Variants in LYRM4 observed in about 807,000 individuals in gnomAD.
The protein encoded by LYRM4 is LYR motif containing 4.
LYRM4 carries 9 observed loss-of-function variants against 11.7 expected under a neutral mutation model. The ratio of observed to expected loss-of-function variants is 0.77; its 90% confidence interval spans 0.46 to 1.34. LYRM4 has a LOEUF of 1.34. Ranked by LOEUF, LYRM4 falls within the 40% of genes most tolerant of loss-of-function variation. LYRM4 has a pLI of 0.00. For synonymous variants in LYRM4, 42 were observed against 40.4 expected, an observed-to-expected ratio of 1.04 and a Z score of -0.15; for missense variants, 133 against 112.5, an observed-to-expected ratio of 1.18 and a Z score of -0.82.
chr6:5,231,037 G>A (rs776135108), intron 1 of LYRM4, among the ~76,000 whole-genome samples: 1 of 152,160 alleles, frequency 6.6e-6, no homozygotes, highest in Non-Finnish European at 1.5e-5. Context: ...AGCACTTTGT[G>A]AGGCTAAGGT....
rs73719758 is a variant in LYRM4 at position 5,230,094 on chromosome 6, C to T, written c.87-13356G>A. On this transcript the variant is annotated intron_variant, in intron 1 of 2. Transcript: ENST00000330636. ...CTTGTCTGCAGTTAGGCATGCAGATCAAGCAGCCGCGAGGTCTCTGGCTCC... is the reference window on the plus strand; with the variant it reads ...CTTGTCTGCAGTTAGGCATGCAGATTAAGCAGCCGCGAGGTCTCTGGCTCC... Among the ~76,000 whole-genome samples, 498 of 152,318 alleles carry T rather than the reference C, an allele frequency of 3.3e-3. 6 individuals are homozygous for T. The highest frequency in any genetic ancestry group is 0.011 in the African/African-American group (472 of 41,578).
At chr6:5,221,377 A>G (rs1048509190) in intron 1 of LYRM4, among the ~76,000 whole-genome samples, 10 of 151,964 alleles carry the variant, frequency 6.6e-5, no homozygotes, top group African/African-American at 2.4e-4. Context: ...TAAAATATAG[A>G]CTCTTCCAGT....
the LYRM4 span, among the ~76,000 whole-genome samples, chr6:5,038,688 A>T: frequency 5.0e-5 from 3 of 60,544 alleles, 1 homozygote; most frequent in African/African-American, 1.4e-4. Flanking sequence ...GCTGGAGACC[A>T]GCCCGGCCAA....
At chr6:5,196,147 A>G (rs1201299580) in intron 2 of LYRM4, among the ~76,000 whole-genome samples, 1 of 151,760 alleles carries the variant, frequency 6.6e-6, no homozygotes, top group Non-Finnish European at 1.5e-5. Flanking sequence ...CGTGGCTCCG[A>G]CCCCGCAGCA....
intron 2 of LYRM4, chr6:5,186,567 A>T: frequency 1.0e-6 from 1 of 975,108 alleles, no homozygotes; most frequent in Non-Finnish European, 1.2e-6. Context: ...TTCAAAAACT[A>T]AACATTTAAA....
chr6:5,036,678 T>G, the LYRM4 span, among the ~76,000 whole-genome samples: 5 of 152,360 alleles, frequency 3.3e-5, no homozygotes, highest in Admixed American at 1.3e-4. Flanking sequence ...CTTCAGATAG[T>G]CACTCTCCTT....
chr6:5,159,119 G>C (rs1424061513), intron 2 of LYRM4, among the ~76,000 whole-genome samples: 1 of 152,222 alleles, frequency 6.6e-6, no homozygotes, highest in African/African-American at 2.4e-5. Context: ...CTGGGCTGGA[G>C]GGGGCCAGAC....
At chr6:5,248,475 A>C (rs896070993) in intron 1 of LYRM4, among the ~76,000 whole-genome samples, 1 of 152,256 alleles carries the variant, frequency 6.6e-6, no homozygotes. Flanking sequence ...ATCTTAGCAC[A>C]GCATACAAAG....
chr6:5,104,072 T>C (rs920629280), downstream of LYRM4: 1 of 152,532 alleles, frequency 6.6e-6, no homozygotes, highest in African/African-American at 2.4e-5. Context: ...ATTTTCAGTC[T>C]TAGAAACAGG....
chr6:5,158,338 A>G (rs1758540178), intron 2 of LYRM4, among the ~76,000 whole-genome samples: 1 of 152,240 alleles, frequency 6.6e-6, no homozygotes, highest in Non-Finnish European at 1.5e-5. Flanking sequence ...ATAAAAATTT[A>G]CACTGAATGC....
chr6:5,068,483 G>A, the LYRM4 span, among the ~76,000 whole-genome samples: 4 of 152,158 alleles, frequency 2.6e-5, no homozygotes, highest in Admixed American at 6.5e-5. This position sits in a 1 kb window ranked among gnomAD's most constrained non-coding sequence, Gnocchi z 4.0. Context: ...GTGATGGTCC[G>A]GAAGAAAACT....
chr6:5,217,978 G>A (rs1561878217), intron 1 of LYRM4, among the ~76,000 whole-genome samples: 1 of 151,968 alleles, frequency 6.6e-6, no homozygotes, highest in Non-Finnish European at 1.5e-5. Context: ...CATGATCATA[G>A]CTCACTGCAA....
the LYRM4 span, among the ~76,000 whole-genome samples, chr6:5,077,975 G>C: frequency 7.6e-3 from 1,156 of 152,224 alleles, 14 homozygotes; most frequent in African/African-American, 0.026. Context: ...ATTGCAGAAT[G>C]TAAAGTTTAC....
chr6:5,102,352 C>T (rs574895923), downstream of LYRM4, among the ~76,000 whole-genome samples: 10 of 152,154 alleles, frequency 6.6e-5, no homozygotes, highest in Non-Finnish European at 1.3e-4. Flanking sequence ...GTCATACATC[C>T]TGTATGTGCT....
intron 1 of LYRM4, among the ~76,000 whole-genome samples, chr6:5,256,601 C>T (rs924332342): frequency 1.4e-5 from 2 of 140,880 alleles, no homozygotes; most frequent in Non-Finnish European, 3.1e-5. Context: ...TTATGACTCT[C>T]ATTTTATAAA....
chr6:5,057,025 A>G, the LYRM4 span, among the ~76,000 whole-genome samples: 3 of 152,166 alleles, frequency 2.0e-5, no homozygotes, highest in Non-Finnish European at 2.9e-5. Flanking sequence ...GAGTTAATAA[A>G]ATTAATTATT....
chr6:5,204,538 TC>T (rs1327068421), intron 2 of LYRM4, among the ~76,000 whole-genome samples: 1 of 152,082 alleles, frequency 6.6e-6, no homozygotes, highest in African/African-American at 2.4e-5. Context: ...GACTTCTCCC[TC>T]CCTCTCTTCC....
intron 2 of LYRM4, among the ~76,000 whole-genome samples, chr6:5,163,432 C>T (rs184637817): frequency 4.6e-5 from 7 of 152,012 alleles, no homozygotes; most frequent in African/African-American, 9.6e-5. Flanking sequence ...CTCGCACCAA[C>T]GCCACACTCC....
chr6:5,260,598 T>TCCCCCGCCCCCCGGCCCCCCCC, intron 1 of LYRM4, 50 bp downstream of exon 1: 1 of 1,105,570 alleles, frequency 9.0e-7, no homozygotes, highest in African/African-American at 1.7e-5. Flanking sequence ...GCACCCCCGG[T>TCCCCCGCCCCCCGGCCCCCCCC]CCCCGGCCCC....
Sources: allele counts gnomAD v4.1 joint callset (sites outside exome capture counted in the v4.1 genomes callset), GRCh38; gene constraint gnomAD v4.1.1; non-coding constraint Gnocchi (gnomAD v3.1); transcripts MANE v1.5; gene names NCBI Gene and HGNC (gene_info 2026-07-23, HGNC 2026-07-21).